BCKDHB: variants seen among roughly 807,000 people sequenced by gnomAD.
BCKDHB encodes 2-oxoisovalerate dehydrogenase subunit beta, mitochondrial.
A neutral mutation model predicts 48.5 loss-of-function variants in BCKDHB; 41 were observed. The ratio of observed to expected loss-of-function variants is 0.85; its 90% CI spans 0.66 to 1.10. The LOEUF (loss-of-function observed/expected upper bound fraction) is 1.10, where lower values mean the gene tolerates loss of function less well. Among genes scored for constraint, BCKDHB ranks in the 50% least tolerant of loss-of-function variants. BCKDHB has a pLI of 0.00. For missense variants in BCKDHB, 496 were observed against 494.2 expected (o/e 1.00, Z -0.03); for synonymous variants, 201 against 174.8 (o/e 1.15, Z -1.18).
chr6:80,250,369 G>A (rs965500515), intron 8 of BCKDHB, among the ~76,000 whole-genome samples: 12 of 152,118 alleles, frequency 7.9e-5, no homozygotes, highest in Middle Eastern at 3.2e-3. Flanking sequence ...TCAATCTTCT[G>A]TCAAATGAAG....
At chr6:80,182,145 G>A (rs529816074) in intron 6 of BCKDHB, among the ~76,000 whole-genome samples, 1 of 152,164 alleles carries the variant, frequency 6.6e-6, no homozygotes, top group African/African-American at 2.4e-5. Context: ...TAAATCTACA[G>A]TTCCAGATAT....
intron 1 of BCKDHB, among the ~76,000 whole-genome samples, chr6:80,119,352 T>C (rs1321915242): frequency 6.6e-6 from 1 of 152,208 alleles, no homozygotes; most frequent in Admixed American, 6.5e-5. Flanking sequence ...AGAGTCTCAC[T>C]CTGTCACGCA....
chr6:80,211,922 G>A (rs925644266), intron 8 of BCKDHB, among the ~76,000 whole-genome samples: 9 of 152,114 alleles, frequency 5.9e-5, no homozygotes, highest in South Asian at 2.1e-4. Context: ...GGGAGGGGGT[G>A]TAAAACAGGG....
chr6:80,172,743 A>G (rs907231534), intron 6 of BCKDHB, among the ~76,000 whole-genome samples: 2 of 152,078 alleles, frequency 1.3e-5, no homozygotes, highest in Non-Finnish European at 1.5e-5. Context: ...GTTTCAATGT[A>G]TCCATTCCTC....
chr6:80,294,702 T>C (rs748705749), intron 9 of BCKDHB, among the ~76,000 whole-genome samples: 10 of 152,164 alleles, frequency 6.6e-5, no homozygotes, highest in Admixed American at 3.3e-4. Flanking sequence ...CTCAGACTTA[T>C]TAGGGTGGGG....
the BCKDHB span, among the ~76,000 whole-genome samples, chr6:80,384,058 A>G: frequency 6.7e-6 from 1 of 148,820 alleles, no homozygotes; most frequent in Non-Finnish European, 1.5e-5. Flanking sequence ...CATAGGAGTG[A>G]TGGTTAATAC....
the BCKDHB span, among the ~76,000 whole-genome samples, chr6:80,438,143 C>T: frequency 6.6e-6 from 1 of 152,220 alleles, no homozygotes; most frequent in East Asian, 1.9e-4. Context: ...ATCTCAGCCT[C>T]GGTTTCTTCC....
intron 6 of BCKDHB, among the ~76,000 whole-genome samples, chr6:80,189,312 T>G (rs1773788734): frequency 6.6e-6 from 1 of 152,200 alleles, no homozygotes; most frequent in Non-Finnish European, 1.5e-5. Context: ...GGTTAAAAAT[T>G]TACTGTGTGC....
At chr6:80,371,800 G>A in the BCKDHB span, among the ~76,000 whole-genome samples, 2 of 152,058 alleles carry the variant, frequency 1.3e-5, no homozygotes, top group East Asian at 3.9e-4. Context: ...GTAAGTATTT[G>A]GGTGGATTTC....
At chr6:80,276,095 G>T (rs1473682913) in intron 9 of BCKDHB, among the ~76,000 whole-genome samples, 3 of 151,962 alleles carry the variant, frequency 2.0e-5, no homozygotes, top group Non-Finnish European at 4.4e-5. Flanking sequence ...GTATAAATTT[G>T]AGTACTTTTG....
In BCKDHB at chr6:80,264,586, A is replaced by G. The variant is rs367818397; in HGVS notation, c.952-8549A>G. On this transcript the variant is annotated intron_variant, in intron 8 of 9. Coordinates refer to ENST00000320393, the MANE Select transcript of BCKDHB (RefSeq NM_183050.4). ...GATTTACCGTTGAAGATTTTTCAGG[A>G]GAGGAGTGCTGTCATGGATAAGCAG... 1.3e-4 allele frequency among the ~76,000 whole-genome samples: 20 copies of G among 152,128 alleles called. 1 individual carries two copies. In the South Asian group the frequency reaches 3.7e-3, roughly 28 times the overall value.
intron 3 of BCKDHB, among the ~76,000 whole-genome samples, chr6:80,131,373 C>T (rs1770623636): frequency 1.3e-5 from 2 of 152,174 alleles, no homozygotes; most frequent in African/African-American, 4.8e-5. Context: ...ATTTAGTTAC[C>T]TAAGCCAGAC....
intron 8 of BCKDHB, among the ~76,000 whole-genome samples, chr6:80,254,187 A>T (rs927242800): frequency 2.0e-5 from 3 of 151,378 alleles, no homozygotes; most frequent in Non-Finnish European, 4.4e-5. Flanking sequence ...ATATATTATT[A>T]ATTTATTTAC....
chr6:80,240,275 A>C (rs985090803), intron 8 of BCKDHB, among the ~76,000 whole-genome samples: 20 of 152,128 alleles, frequency 1.3e-4, no homozygotes, highest in Non-Finnish European at 2.2e-4. Context: ...CCTCCTATCC[A>C]TGAGCATGGA....
At chr6:80,314,195 T>C (rs1373627165) in intron 9 of BCKDHB, among the ~76,000 whole-genome samples, 2 of 152,246 alleles carry the variant, frequency 1.3e-5, no homozygotes, top group East Asian at 1.9e-4. Context: ...TTTTAGAGTA[T>C]ATGCTGTGTG....
chr6:80,257,840 G>A (rs757988479), intron 8 of BCKDHB, among the ~76,000 whole-genome samples: 3 of 152,082 alleles, frequency 2.0e-5, no homozygotes, highest in Non-Finnish European at 4.4e-5. Flanking sequence ...CCAGCAAATA[G>A]ACGGGCACAT....
chr6:80,107,267 G>A (rs939594337), intron 1 of BCKDHB, among the ~76,000 whole-genome samples: 1 of 146,090 alleles, frequency 6.8e-6, no homozygotes, highest in African/African-American at 2.5e-5. Flanking sequence ...TGGGCCACTA[G>A]CTTAGGTAGA....
chr6:80,187,778 T>C (rs1773715663), intron 6 of BCKDHB, among the ~76,000 whole-genome samples: 1 of 152,162 alleles, frequency 6.6e-6, no homozygotes, highest in Admixed American at 6.5e-5. Flanking sequence ...CACAGTGAGA[T>C]ACCATCTCAC....
the BCKDHB span, among the ~76,000 whole-genome samples, chr6:80,382,833 G>A: frequency 6.6e-6 from 1 of 151,948 alleles, no homozygotes; most frequent in Admixed American, 6.6e-5. Flanking sequence ...AGTTTATATT[G>A]CCTGTTTTTA....
Sources: allele counts gnomAD v4.1 joint callset (sites outside exome capture counted in the v4.1 genomes callset), GRCh38; gene constraint gnomAD v4.1.1; transcripts MANE v1.5; gene names NCBI Gene and HGNC (gene_info 2026-07-23, HGNC 2026-07-21).